The following AUTS2 variants were observed in gnomAD, a reference collection of about 807,000 sequenced individuals.
The protein encoded by AUTS2 is autism susceptibility gene 2 protein.
In AUTS2, 17 loss-of-function variants were observed where a neutral mutation model predicts 112.4. The ratio of observed to expected loss-of-function variants is 0.15; its 90% CI spans 0.10 to 0.23. The LOEUF (loss-of-function observed/expected upper bound fraction) is 0.23, where lower values mean the gene tolerates loss of function less well. Among genes scored for constraint, AUTS2 ranks in the 10% least tolerant of loss-of-function variants. AUTS2 has a pLI of 1.00. For synonymous variants in AUTS2, 751 were observed against 702.7 expected, an observed-to-expected ratio of 1.07 and a Z score of -1.09; for missense variants, 1,510 against 1,701.6, an observed-to-expected ratio of 0.89 and a Z score of 1.98.
At chr7:69,758,970 A>G (rs1562863452) in intron 1 of AUTS2, among the ~76,000 whole-genome samples, 1 of 152,228 alleles carries the variant, frequency 6.6e-6, no homozygotes, top group African/African-American at 2.4e-5. Context: ...CAAAAAATAA[A>G]TAAATAAATG....
chr7:69,612,341 G>C (rs1793087764), intron 1 of AUTS2, among the ~76,000 whole-genome samples: 1 of 152,022 alleles, frequency 6.6e-6, no homozygotes, highest in Admixed American at 6.5e-5. Context: ...AAGTTCAAGT[G>C]CTATTAATTT....
intron 5 of AUTS2, among the ~76,000 whole-genome samples, chr7:70,474,807 G>A (rs1384586969): frequency 2.0e-5 from 3 of 152,156 alleles, no homozygotes; most frequent in Non-Finnish European, 2.9e-5. Flanking sequence ...AGGACCCACT[G>A]TGAAGGACCA....
chr7:69,869,648 C>T (rs1053826638), intron 1 of AUTS2, among the ~76,000 whole-genome samples: 1 of 151,556 alleles, frequency 6.6e-6, no homozygotes, highest in African/African-American at 2.4e-5. Context: ...GGATAGCATC[C>T]CTCGGTTGTT....
intron 1 of AUTS2, among the ~76,000 whole-genome samples, chr7:69,841,354 T>C (rs548860660): frequency 6.6e-6 from 1 of 152,166 alleles, no homozygotes; most frequent in South Asian, 2.1e-4. Context: ...AGAGAGAGTG[T>C]GGGGGAGGTG....
chr7:69,629,651 C>G (rs1423254104), intron 1 of AUTS2, among the ~76,000 whole-genome samples: 2 of 152,086 alleles, frequency 1.3e-5, no homozygotes, highest in Non-Finnish European at 2.9e-5. Context: ...TGTAATGGAT[C>G]CAGTAAAGAG....
chr7:69,907,413 G>A (rs1252312171), intron 2 of AUTS2, among the ~76,000 whole-genome samples: 1 of 152,102 alleles, frequency 6.6e-6, no homozygotes, highest in Non-Finnish European at 1.5e-5. Flanking sequence ...TTCTTTCCAG[G>A]ACTCCCCATG....
intron 2 of AUTS2, among the ~76,000 whole-genome samples, chr7:70,004,394 TG>T (rs1168013933): frequency 1.9e-5 from 2 of 106,212 alleles, no homozygotes; most frequent in African/African-American, 7.5e-5. Flanking sequence ...ATTATATATA[TG>T]AATATATATG....
At chr7:70,383,837 G>C (rs144882164) in intron 4 of AUTS2, among the ~76,000 whole-genome samples, 320 of 152,286 alleles carry the variant, frequency 2.1e-3, no homozygotes, top group Non-Finnish European at 3.9e-3. Context: ...TGCAAAGTGG[G>C]ATCTCCATTA....
intron 1 of AUTS2, among the ~76,000 whole-genome samples, chr7:69,696,958 G>C (rs1315217947): frequency 3.3e-5 from 5 of 152,212 alleles, no homozygotes; most frequent in South Asian, 2.1e-4. Context: ...TCTAAAAAAC[G>C]TTTAGAGTTA....
At chr7:70,357,052 T>A (rs1792043715) in intron 4 of AUTS2, among the ~76,000 whole-genome samples, 1 of 152,208 alleles carries the variant, frequency 6.6e-6, no homozygotes, top group African/African-American at 2.4e-5. Context: ...GGTAACAGAA[T>A]TAGTTCACTG....
intron 2 of AUTS2, among the ~76,000 whole-genome samples, chr7:70,011,315 C>T (rs1225814261): frequency 2.0e-5 from 1 of 49,778 alleles, no homozygotes; most frequent in Non-Finnish European, 3.8e-5. Context: ...CTCCTTTCCT[C>T]TCTCCTCTCC....
At chr7:69,712,247 T>C (rs1213110721) in intron 1 of AUTS2, among the ~76,000 whole-genome samples, 1 of 152,204 alleles carries the variant, frequency 6.6e-6, no homozygotes, top group Non-Finnish European at 1.5e-5. Context: ...TGACATGTAA[T>C]AAACCTTGGA....
chr7:70,629,101 G>C (rs994716372), intron 5 of AUTS2, among the ~76,000 whole-genome samples: 9 of 152,160 alleles, frequency 5.9e-5, no homozygotes, highest in African/African-American at 1.9e-4. Flanking sequence ...ATGCCACTTG[G>C]AGATGGAAAC....
At chr7:70,497,191 C>T (rs1339397220) in intron 5 of AUTS2, among the ~76,000 whole-genome samples, 1 of 123,410 alleles carries the variant, frequency 8.1e-6, no homozygotes, top group East Asian at 2.6e-4. Context: ...ACACACACAC[C>T]TCACACACAT....
At chr7:70,314,415 T>A (rs1789902125) in intron 4 of AUTS2, among the ~76,000 whole-genome samples, 1 of 152,238 alleles carries the variant, frequency 6.6e-6, no homozygotes, top group Admixed American at 6.5e-5. Context: ...GTCTGTGACA[T>A]GTGTGCACAC....
chr7:70,134,405 A>G (rs765970298), intron 3 of AUTS2, 131 bp from the exon 4 acceptor site: 87 of 715,932 alleles, frequency 1.2e-4, no homozygotes, highest in Non-Finnish European at 2.0e-4. Context: ...GCAGATGACA[A>G]GGGGCAGCAT....
At chr7:69,667,733 T>A (rs891373261) in intron 1 of AUTS2, among the ~76,000 whole-genome samples, 1 of 152,166 alleles carries the variant, frequency 6.6e-6, no homozygotes, top group Non-Finnish European at 1.5e-5. Context: ...TTTCTCTATT[T>A]TATTACCTTT....
At chr7:70,407,823 G>A (rs1159393316) in intron 4 of AUTS2, among the ~76,000 whole-genome samples, 2 of 152,196 alleles carry the variant, frequency 1.3e-5, no homozygotes, top group Admixed American at 6.5e-5. Context: ...GGGAGGCCAA[G>A]GCGGGCGGAT....
chr7:70,209,113 G>C (rs909411890), intron 4 of AUTS2, among the ~76,000 whole-genome samples: 3 of 152,188 alleles, frequency 2.0e-5, no homozygotes, highest in Non-Finnish European at 4.4e-5. Flanking sequence ...GATGGTGGTA[G>C]TTTAAGACTA....
Sources: gnomAD v4.1 joint callset for allele counts (sites outside exome capture counted in the v4.1 genomes callset) on GRCh38, gnomAD v4.1.1 for gene constraint, MANE v1.5 for transcripts, NCBI Gene and HGNC (gene_info 2026-07-23, HGNC 2026-07-21) for gene names.